The following PDE11A variants were observed in gnomAD, a reference collection of about 807,000 sequenced individuals.
PDE11A encodes the protein dual 3',5'-cyclic-AMP and -GMP phosphodiesterase 11A.
Under a neutral mutation model 100.5 loss-of-function variants are expected in PDE11A, and 100 were observed. That is an observed-to-expected ratio of 1.00 (90% CI 0.85 to 1.18). The LOEUF is 1.18. PDE11A is among the 50% of genes most tolerant of loss of function. The pLI, the probability that PDE11A is intolerant of heterozygous loss-of-function variation, is 0.00. For missense variants in PDE11A, 1,141 were observed against 1,152.6 expected (o/e 0.99, Z 0.15); for synonymous variants, 381 against 420.8 (o/e 0.91, Z 1.16).
chr2:177,727,703 C>G lies in PDE11A; in HGVS notation c.1998G>C (p.Trp666Cys). The G allele has an allele frequency of 4.3e-6, 7 of 1,612,154 alleles. No individual in the cohort carries two copies. The highest frequency in any genetic ancestry group is 5.1e-6 in the Non-Finnish European group (6 of 1,178,326). The change falls in exon 12 of 20, where the codon TGG becomes TGC. Residue 666 changes from tryptophan to cysteine, a missense_variant. Transcript: ENST00000286063. ...KNYRMVLYHN[W>C]RHAFNVCQLM... ...GCTGACACACGTTGAAGGCATGTCT[C>G]CAGTTGTGGTATAGAACCATCCGAT...
rs575971746 is a variant in PDE11A, at chr2:177,811,507, G to C, written c.1737+5322C>G. On this transcript the variant is annotated intron_variant, in intron 9 of 19. Transcript: ENST00000286063. ...TAATTCAATTGTTAAACAAAATCCA[G>C]ATAATGTATTAGTCACTCCAATTTT... Among the ~76,000 whole-genome samples, 14 of 83,516 alleles carry C rather than the reference G, an allele frequency of 1.7e-4. No individual in the cohort carries two copies. The South Asian group carries it at 2.1e-3, about 12-fold the overall frequency. The allele number at this position is 83,516 out of a possible 152,430, so 54.8% of individuals were successfully genotyped here.
chr2:177,777,373 T>C (rs185210518), intron 9 of PDE11A, among the ~76,000 whole-genome samples: 1 of 152,336 alleles, frequency 6.6e-6, no homozygotes, highest in East Asian at 1.9e-4. Context: ...TAATTCTTAA[T>C]TACTTTTAGC....
intron 1 of PDE11A, among the ~76,000 whole-genome samples, chr2:178,033,001 G>A (rs953262642): frequency 6.6e-6 from 1 of 152,124 alleles, no homozygotes; most frequent in African/African-American, 2.4e-5. Flanking sequence ...CCTCCAAGTG[G>A]TTACAACCCC....
At position 178,066,348 on chromosome 2, in the gene PDE11A, C is replaced by T. The variant is rs547929135; in HGVS notation, c.912+5178G>A. Among the ~76,000 whole-genome samples, 107 of 152,270 alleles carry T rather than the reference C, an allele frequency of 7.0e-4. 3 individuals carry two copies. The South Asian group carries it at 0.02, about 29-fold the overall frequency. On this transcript the variant is annotated intron_variant, in intron 1 of 19. Coordinates refer to ENST00000286063, the MANE Select transcript of PDE11A (RefSeq NM_016953.4). Reference sequence around the variant, plus strand: ...GTGACCAGTGCAGTGGCATGAAAGACCCCTGCTTGAGGTTTAATGCTATGC... The same window carrying T: ...GTGACCAGTGCAGTGGCATGAAAGATCCCTGCTTGAGGTTTAATGCTATGC...
chr2:177,694,767 T>G (rs1439169816), intron 15 of PDE11A, among the ~76,000 whole-genome samples: 1 of 152,240 alleles, frequency 6.6e-6, no homozygotes, highest in Non-Finnish European at 1.5e-5. Context: ...TTTTCTATTT[T>G]GCTGGCTTTT....
At chr2:177,970,036 C>T (rs1488863590) in intron 2 of PDE11A, among the ~76,000 whole-genome samples, 2 of 152,078 alleles carry the variant, frequency 1.3e-5, no homozygotes, top group Non-Finnish European at 2.9e-5. Flanking sequence ...GAATTCTGGA[C>T]TAAAGGAATT....
intron 5 of PDE11A, among the ~76,000 whole-genome samples, chr2:177,845,707 C>CG (rs1259125503): frequency 4.6e-5 from 7 of 152,090 alleles, no homozygotes; most frequent in African/African-American, 7.2e-5. Context: ...TGTAGCAAGC[C>CG]GAGATCAAGC....
At chr2:178,002,608 C>T (rs184715416) in intron 2 of PDE11A, among the ~76,000 whole-genome samples, 75 of 152,174 alleles carry the variant, frequency 4.9e-4, no homozygotes, top group African/African-American at 9.1e-4. Context: ...ACCTAGAAGT[C>T]GTGTGGTCGA....
chr2:178,105,268 C>T (rs544358781), intron 1 of PDE11A, among the ~76,000 whole-genome samples: 5 of 152,104 alleles, frequency 3.3e-5, no homozygotes, highest in Admixed American at 6.5e-5. Context: ...GAGATCAGCC[C>T]GGCCAAGATG....
intron 5 of PDE11A, among the ~76,000 whole-genome samples, chr2:177,853,468 A>C (rs1260169101): frequency 2.0e-5 from 3 of 150,798 alleles, no homozygotes; most frequent in Non-Finnish European, 3.0e-5. Context: ...AGATTTGGAG[A>C]AATACTGAGG....
chr2:177,972,996 T>A (rs58490894), intron 2 of PDE11A, among the ~76,000 whole-genome samples: 2 of 152,204 alleles, frequency 1.3e-5, no homozygotes, highest in Non-Finnish European at 2.9e-5. Context: ...TTGGGAGTTC[T>A]GTGGCACAGC....
intron 1 of PDE11A, among the ~76,000 whole-genome samples, chr2:178,025,619 G>T (rs745998870): frequency 6.6e-6 from 1 of 152,042 alleles, no homozygotes; most frequent in Non-Finnish European, 1.5e-5. Flanking sequence ...AAACCAAAGC[G>T]CAACTGACGT....
intron 10 of PDE11A, among the ~76,000 whole-genome samples, chr2:177,739,125 G>C (rs1315236407): frequency 6.6e-6 from 1 of 152,202 alleles, no homozygotes; most frequent in Non-Finnish European, 1.5e-5. Context: ...TGAAATGGTA[G>C]AGAACAATGT....
intron 2 of PDE11A, among the ~76,000 whole-genome samples, chr2:177,913,765 G>A (rs1386293174): frequency 6.6e-6 from 1 of 152,092 alleles, no homozygotes; most frequent in Non-Finnish European, 1.5e-5. Flanking sequence ...CTAGGGGGTG[G>A]TTGTATCTGT....
chr2:177,938,981 A>T (rs373643027), intron 2 of PDE11A, among the ~76,000 whole-genome samples: 2 of 152,332 alleles, frequency 1.3e-5, no homozygotes, highest in African/African-American at 4.8e-5. Context: ...CACCAAGGAG[A>T]CAGGCCTTAG....
Position 177,898,150 on chromosome 2 carries a change from C to T in PDE11A, c.1210G>A (p.Glu404Lys). The T allele has an allele frequency of 6.2e-7, 1 of 1,609,308 alleles. No individual in the cohort carries two copies. Among genetic ancestry groups the T allele is most frequent in the Non-Finnish European group, 8.5e-7 (1 of 1,175,590 alleles). Residue 404 changes from glutamate to lysine, a missense_variant, in exon 4 of 20, where the codon GAG becomes AAG. Glu to Lys is a moderately conservative substitution (Grantham distance 56). Coordinates refer to ENST00000286063, the MANE Select transcript of PDE11A (RefSeq NM_016953.4). The stretch of plus-strand genomic sequence containing the variant: ...TGCATTATTTTCTTGACAATTTTCT[C>T]CAGGTCAGTCTGTTCTTCAAAGAGG... ...NDLFEEQTDL[E>K]KIVKKIMHRA...
At chr2:177,840,623 G>C (rs1041910413) in intron 5 of PDE11A, among the ~76,000 whole-genome samples, 3 of 152,158 alleles carry the variant, frequency 2.0e-5, no homozygotes, top group South Asian at 2.1e-4. Flanking sequence ...GATTCAGAGA[G>C]ACTCTAGGCT....
intron 10 of PDE11A, among the ~76,000 whole-genome samples, chr2:177,745,522 G>A (rs2081935805): frequency 6.6e-6 from 1 of 152,204 alleles, no homozygotes; most frequent in African/African-American, 2.4e-5. Context: ...TTCCCCAGGT[G>A]ATGCCAGTGA....
At chr2:177,836,324 G>A (rs1266481083) in intron 6 of PDE11A, among the ~76,000 whole-genome samples, 1 of 152,082 alleles carries the variant, frequency 6.6e-6, no homozygotes, top group Non-Finnish European at 1.5e-5. Context: ...TCAGCACTCT[G>A]TATCTAGCTC....
Sources: gnomAD v4.1 joint callset for allele counts (sites outside exome capture counted in the v4.1 genomes callset) on GRCh38, gnomAD v4.1.1 for gene constraint, MANE v1.5 for transcripts, NCBI Gene and HGNC (gene_info 2026-07-23, HGNC 2026-07-21) for gene names.